CENPO: variants seen among roughly 807,000 people sequenced by gnomAD.
CENPO encodes the protein centromere protein O.
A neutral mutation model predicts 36.1 loss-of-function variants in CENPO; 30 were observed. That is an observed-to-expected ratio of 0.83 (90% confidence interval 0.62 to 1.13). CENPO has a LOEUF of 1.13. CENPO is among the 50% of genes most tolerant of loss of function. CENPO has a pLI of 0.00. For missense variants in CENPO, 349 were observed against 357.8 expected, an observed-to-expected ratio of 0.98 and a Z score of 0.20; for synonymous variants, 171 against 142.3, an observed-to-expected ratio of 1.20 and a Z score of -1.44.
chr2:24,796,524 C>G (rs1291911638), intron 2 of CENPO, among the ~76,000 whole-genome samples: 3 of 151,192 alleles, frequency 2.0e-5, no homozygotes, highest in Admixed American at 6.6e-5. Flanking sequence ...ACAATTAAAA[C>G]TATAGTGGCC....
In CENPO at chr2:24,814,381, A is replaced by T. The variant is rs745358738; in HGVS notation, c.222A>T (p.Lys74Asn). ...AVVRHRRASV[K>N]ACIANVEPNQ... is the part of the protein sequence containing the mutation. ...ATTTGCTGCATATCTTGCAGGTGAA[A>T]GCATGTATTGCCAATGTAGAACCCA... The change falls in exon 4 of 8, where the codon AAA becomes AAT. Residue 74 changes from lysine (K) to asparagine (N), a missense_variant. Lys to Asn is a moderately conservative substitution (Grantham distance 94, BLOSUM62 0). Transcript: ENST00000380834. 6.6e-7 allele frequency: 1 copy of T among 1,510,660 alleles called. No individual in the cohort carries two copies. Among genetic ancestry groups the T allele is most frequent in the Non-Finnish European group, 9.2e-7 (1 of 1,085,470 alleles). The allele number at this position is 1,510,660 out of a possible 1,614,324, so 93.6% of individuals were successfully genotyped here.
Position 24,820,350 on chromosome 2 carries a change from A to T in CENPO, c.*1032A>T, listed in dbSNP as rs1163010708. 7.5e-7 allele frequency: 1 copy of T among 1,330,558 alleles called. No homozygotes were observed. Among genetic ancestry groups the T allele is most frequent in the Non-Finnish European group, 9.6e-7 (1 of 1,045,412 alleles). 82.4% of individuals were successfully genotyped at this position (1,330,558 alleles called of 1,614,324 possible). ...CTCATCCAGAGACTTCTCTCCTAGG[A>T]TGGCCATGGTCACCTGGGTGGCAGC... On this transcript the variant is annotated 3_prime_UTR_variant, in exon 8 of 8. Coordinates refer to ENST00000380834, the MANE Select transcript of CENPO (RefSeq NM_001322101.2).
intron 3 of CENPO, among the ~76,000 whole-genome samples, chr2:24,800,917 G>T (rs1452017709): frequency 6.6e-6 from 1 of 152,078 alleles, no homozygotes; most frequent in Non-Finnish European, 1.5e-5. Context: ...CTTCCACAAT[G>T]GTGGAACTAG....
At chr2:24,818,362 A>AT (rs1467122154) in intron 7 of CENPO, among the ~76,000 whole-genome samples, 2 of 152,266 alleles carry the variant, frequency 1.3e-5, no homozygotes, top group Non-Finnish European at 2.9e-5. Flanking sequence ...AATGAAGATA[A>AT]TAAGGAAGAC....
At position 24,815,738 on chromosome 2, in the gene CENPO, C is replaced by T. The variant is rs748199199; in HGVS notation, c.576C>T (p.Tyr192=). ...EYLNAYSGRK[Y]QADRLQSDFA... is the part of the protein sequence containing the mutation. Reference sequence around the variant, plus strand: ...TGAATGCTTACTCTGGGAGGAAGTACCAGGCAGACCGGCTTCAGGTATCTC... The same window carrying T: ...TGAATGCTTACTCTGGGAGGAAGTATCAGGCAGACCGGCTTCAGGTATCTC... Residue 192 remains tyrosine, a synonymous_variant, in exon 5 of 8, where the codon TAC becomes TAT. Coordinates refer to ENST00000380834, the MANE Select transcript of CENPO (RefSeq NM_001322101.2). 1 of 1,614,132 alleles carries T rather than the reference C, an allele frequency of 6.2e-7. No individual in the cohort carries two copies. The highest frequency in any genetic ancestry group is 1.3e-5 in the African/African-American group (1 of 75,042).
At chr2:24,803,346 T>G (rs1275176885) in intron 3 of CENPO, among the ~76,000 whole-genome samples, 1 of 152,184 alleles carries the variant, frequency 6.6e-6, no homozygotes, top group Non-Finnish European at 1.5e-5. Context: ...TGCTCTGATC[T>G]TAGTTATTTC....
At chr2:24,794,964 G>C (rs1261771187) in intron 2 of CENPO, among the ~76,000 whole-genome samples, 1 of 152,168 alleles carries the variant, frequency 6.6e-6, no homozygotes, top group Non-Finnish European at 1.5e-5. Flanking sequence ...CATTATCATT[G>C]ATAACAGAGA....
intron 4 of CENPO, 186 bp downstream of exon 4, chr2:24,814,679 T>A: frequency 3.5e-6 from 2 of 571,928 alleles, no homozygotes; most frequent in Non-Finnish European, 6.3e-6. Flanking sequence ...TAGGCCTATC[T>A]TCACCTACAA....
rs745459420 is a variant in CENPO at position 24,820,621 on chromosome 2, T to C, written c.*1303T>C. The C allele has an allele frequency of 1.6e-5, 25 of 1,546,890 alleles. No homozygotes were observed. Among genetic ancestry groups the C allele is most frequent in the Non-Finnish European group, 2.0e-5 (23 of 1,140,372 alleles). On this transcript the variant is annotated 3_prime_UTR_variant, in exon 8 of 8. Transcript: ENST00000380834. Reference sequence around the variant, plus strand: ...CCCACGTCTCTGCCTCTGGACTTACTGTTCAGGGCCAGGGTGGGAGGCAGG... The same window carrying C: ...CCCACGTCTCTGCCTCTGGACTTACCGTTCAGGGCCAGGGTGGGAGGCAGG...
Position 24,821,443 on chromosome 2 carries a change from C to T in CENPO, c.*2125C>T. The T allele has an allele frequency of 2.5e-6, 4 of 1,580,148 alleles. No individual in the cohort carries two copies. The highest frequency in any genetic ancestry group is 3.4e-6 in the Non-Finnish European group (4 of 1,160,610). On this transcript the variant is annotated 3_prime_UTR_variant, in exon 8 of 8. Transcript: ENST00000380834. ...GCCTCAGTTGTCCTGAGCCTCATGT[C>T]TCTCCTGGTGGTGGGCCAGGCCCCT...
chr2:24,806,017 G>A (rs115606985), intron 3 of CENPO, among the ~76,000 whole-genome samples: 2,046 of 152,316 alleles, frequency 0.013, 19 homozygotes, highest in Non-Finnish European at 0.019. Context: ...CCAAGCCTCG[G>A]CAAGGGCGGG....
intron 3 of CENPO, among the ~76,000 whole-genome samples, chr2:24,811,282 C>T (rs1389361671): frequency 1.5e-4 from 16 of 105,544 alleles, no homozygotes; most frequent in East Asian, 3.5e-4. Flanking sequence ...AGTCCATGAA[C>T]TTTTTTTTTT....
chr2:24,805,199 G>C (rs1213799260), intron 3 of CENPO, among the ~76,000 whole-genome samples: 7 of 152,082 alleles, frequency 4.6e-5, no homozygotes, highest in African/African-American at 1.7e-4. Context: ...GGACTTCTCT[G>C]CATTGGTTAT....
rs764432587 is a variant in CENPO at position 24,821,619 on chromosome 2, G to A, written c.*2301G>A. On this transcript the variant is annotated 3_prime_UTR_variant, in exon 8 of 8. Transcript: ENST00000380834. ...GCCAGGTCAGCCAGGTGCTGCCAGC[G>A]CTCTCTCTCGGACTTGTCTTCCTGT... 8.1e-6 allele frequency: 13 copies of A among 1,613,934 alleles called. No homozygotes were observed. Among genetic ancestry groups the A allele is most frequent in the South Asian group, 4.4e-5 (4 of 91,088 alleles).
intron 3 of CENPO, among the ~76,000 whole-genome samples, chr2:24,806,157 C>A (rs1666393524): frequency 6.6e-6 from 1 of 152,222 alleles, no homozygotes; most frequent in Non-Finnish European, 1.5e-5. Flanking sequence ...GTGCCGTTTG[C>A]TAAGACCGTT....
intron 3 of CENPO, among the ~76,000 whole-genome samples, chr2:24,808,702 C>T (rs1476472954): frequency 6.6e-6 from 1 of 151,948 alleles, no homozygotes; most frequent in Admixed American, 6.6e-5. Flanking sequence ...CATAGTAAAC[C>T]TAATTTGGTT....
chr2:24,799,780 A>G lies in CENPO; in HGVS notation c.152A>G (p.Lys51Arg). The change falls in exon 3 of 8, where the codon AAG becomes AGG. Residue 51 changes from lysine to arginine, a missense_variant. By Grantham distance (26) the Lys-to-Arg change is conservative (BLOSUM62 2). Transcript: ENST00000380834. ...VQAQEGALGTKIHKLRRLRDE... is the reference protein window; with the variant it reads ...VQAQEGALGTRIHKLRRLRDE... Reference sequence around the variant, plus strand: ...GCCCAGGAAGGTGCTCTTGGAACCAAGATTCATAAACTAAGGCGTCTGCGA... The same window carrying G: ...GCCCAGGAAGGTGCTCTTGGAACCAGGATTCATAAACTAAGGCGTCTGCGA... The G allele has an allele frequency of 2.5e-6, 4 of 1,614,072 alleles. No individual in the cohort carries two copies. Among genetic ancestry groups the G allele is most frequent in the Non-Finnish European group, 3.4e-6 (4 of 1,180,026 alleles).
Position 24,820,213 on chromosome 2 carries a change from G to A in CENPO, c.*895G>A. On this transcript the variant is annotated 3_prime_UTR_variant, in exon 8 of 8. Coordinates refer to ENST00000380834, the MANE Select transcript of CENPO (RefSeq NM_001322101.2). Reference sequence around the variant, plus strand: ...TGGTTGGAGCCGAGCACTGATCCATGGGTCCCAAGCAGTACGGGACACTCC... The same window carrying A: ...TGGTTGGAGCCGAGCACTGATCCATAGGTCCCAAGCAGTACGGGACACTCC... 8.0e-7 allele frequency: 1 copy of A among 1,253,148 alleles called. No individual in the cohort carries two copies. Among genetic ancestry groups the A allele is most frequent in the South Asian group, 1.6e-5 (1 of 64,318 alleles). 77.6% of individuals were successfully genotyped at this position (1,253,148 alleles called of 1,614,324 possible). A position where few individuals can be genotyped will look rare whatever the true frequency, so the allele number is the denominator to read the frequency against.
At position 24,793,932 on chromosome 2, in the gene CENPO, AACCCTTTAC is replaced by A; in HGVS notation, c.14_22del (p.Asn5_Arg8delinsSer). The A allele has an allele frequency of 6.2e-7, 1 of 1,614,190 alleles. No individual in the cohort carries two copies. The highest frequency in any genetic ancestry group is 8.5e-7 in the Non-Finnish European group (1 of 1,180,020). Reference sequence around the variant, plus strand: ...TTGGGAATCTGAGATGGAGCAGGCGAACCCTTTACGTCCAGATGGCGAGTCCAAAGGAGG... The same window carrying A: ...TTGGGAATCTGAGATGGAGCAGGCGAGTCCAGATGGCGAGTCCAAAGGAGG... On this transcript the variant is annotated inframe_deletion, in exon 2 of 8. Transcript: ENST00000380834.
Sources: allele counts gnomAD v4.1 joint callset (sites outside exome capture counted in the v4.1 genomes callset), GRCh38; gene constraint gnomAD v4.1.1; transcripts MANE v1.5; gene names NCBI Gene and HGNC (gene_info 2026-07-23, HGNC 2026-07-21).